BCAS3: variants seen among roughly 807,000 people sequenced by gnomAD.
The protein encoded by BCAS3 is BCAS3 microtubule associated cell migration factor, also known as BCAS4/BCAS3 fusion.
Under a neutral mutation model 116.1 loss-of-function variants are expected in BCAS3, and 53 were observed. The observed-to-expected ratio is 0.46, with a 90% CI of 0.37 to 0.57. The LOEUF is 0.57. Ranked by LOEUF, BCAS3 falls within the 20% of genes least tolerant of loss-of-function variation. The probability of loss-of-function intolerance (pLI) is 0.00; values close to 1 mark genes in which losing one functional copy is unlikely to be tolerated. For synonymous variants in BCAS3, 391 were observed against 408.2 expected, an observed-to-expected ratio of 0.96 and a Z score of 0.51; for missense variants, 917 against 1,165.4, an observed-to-expected ratio of 0.79 and a Z score of 3.10.
intron 7 of BCAS3, among the ~76,000 whole-genome samples, chr17:60,848,409 T>C (rs1236423624): frequency 2.0e-5 from 3 of 152,256 alleles, no homozygotes; most frequent in African/African-American, 7.2e-5. Context: ...GATTGTTCAT[T>C]GCTAGATTTT....
chr17:60,855,562 C>T (rs1193187496), intron 7 of BCAS3, among the ~76,000 whole-genome samples: 1 of 150,746 alleles, frequency 6.6e-6, no homozygotes, highest in Non-Finnish European at 1.5e-5. Flanking sequence ...TCACGCCATT[C>T]TCCTGCCTCA....
intron 19 of BCAS3, among the ~76,000 whole-genome samples, chr17:61,060,271 C>T (rs900617121): frequency 1.3e-5 from 2 of 151,534 alleles, no homozygotes; most frequent in African/African-American, 4.8e-5. Flanking sequence ...GGACTACAGG[C>T]GCCCACCACC....
intron 22 of BCAS3, among the ~76,000 whole-genome samples, chr17:61,340,038 C>T (rs1362292086): frequency 1.3e-5 from 2 of 152,026 alleles, no homozygotes; most frequent in Middle Eastern, 3.2e-3. Context: ...TTTGGAAGAG[C>T]GGTTTCAGTA....
intron 5 of BCAS3, among the ~76,000 whole-genome samples, chr17:60,746,468 T>C (rs1247101662): frequency 6.6e-6 from 1 of 152,154 alleles, no homozygotes; most frequent in Non-Finnish European, 1.5e-5. Flanking sequence ...GTCCTGAACA[T>C]ACCCTTTACC....
At chr17:61,110,450 A>G (rs940588373) in intron 22 of BCAS3, among the ~76,000 whole-genome samples, 1 of 152,208 alleles carries the variant, frequency 6.6e-6, no homozygotes, top group African/African-American at 2.4e-5. Context: ...GGGGTCAGGG[A>G]GTTCCCTTTC....
intron 7 of BCAS3, chr17:60,810,743 A>G (rs1164277731): frequency 6.0e-6 from 4 of 663,164 alleles, no homozygotes; most frequent in Admixed American, 1.9e-5. Flanking sequence ...GATGACACCA[A>G]TGTCACTCAG....
rs1237262829 is a variant in BCAS3, at chr17:61,161,671, G to A, written c.2425+77107G>A. Among the ~76,000 whole-genome samples the A allele has an allele frequency of 3.3e-5, 5 of 152,146 alleles. No homozygotes were observed. Among genetic ancestry groups the A allele is most frequent in the African/African-American group, 9.7e-5 (4 of 41,424 alleles). ...GGCCATCTGGAAAGGTGATGTCAAC[G>A]GAGGGTAGGGTGGTTGCTGGTGGAG... On this transcript the variant is annotated intron_variant, in intron 22 of 23. Transcript: ENST00000407086. The surrounding 1 kb of genome is among the most constrained non-coding windows in gnomAD (Gnocchi z 4.8).
At chr17:60,717,226 T>C (rs551908868) in intron 5 of BCAS3, among the ~76,000 whole-genome samples, 1 of 151,448 alleles carries the variant, frequency 6.6e-6, no homozygotes, top group Non-Finnish European at 1.5e-5. Context: ...TCTTTTTTTT[T>C]TTTTTGTGAG....
At chr17:60,761,046 T>C (rs958828179) in intron 6 of BCAS3, among the ~76,000 whole-genome samples, 5 of 152,132 alleles carry the variant, frequency 3.3e-5, no homozygotes, top group African/African-American at 1.2e-4. Flanking sequence ...TCTTCTGTTC[T>C]AGAATTTCTG....
chr17:61,173,511 C>T (rs771776470), intron 22 of BCAS3, among the ~76,000 whole-genome samples: 1 of 151,338 alleles, frequency 6.6e-6, no homozygotes, highest in Non-Finnish European at 1.5e-5. Context: ...TTGTGAGACA[C>T]GCTAAAACAG....
At chr17:61,057,820 T>G (rs981724458) in intron 19 of BCAS3, among the ~76,000 whole-genome samples, 3 of 152,176 alleles carry the variant, frequency 2.0e-5, no homozygotes, top group African/African-American at 7.2e-5. Flanking sequence ...GCGATCTTTT[T>G]GAATTATTTC....
rs2058591427 is a variant in BCAS3 at position 61,363,906 on chromosome 17, C to G, written c.2426-4421C>G. Among the ~76,000 whole-genome samples the G allele has an allele frequency of 6.6e-6, 1 of 152,124 alleles. No homozygotes were observed. The highest frequency in any genetic ancestry group is 6.5e-5 in the Admixed American group (1 of 15,278). On this transcript the variant is annotated intron_variant, in intron 22 of 23. Transcript: ENST00000407086. The surrounding 1 kb of genome is among the most constrained non-coding windows in gnomAD (Gnocchi z 4.9). ...ACAAGATGTGCAGTTTTCCAAGAGCCCAGAGATGACCTCACCCTCCAAGGG... is the reference window on the plus strand; with the variant it reads ...ACAAGATGTGCAGTTTTCCAAGAGCGCAGAGATGACCTCACCCTCCAAGGG...
intron 12 of BCAS3, among the ~76,000 whole-genome samples, chr17:60,921,136 A>T (rs1221222544): frequency 6.6e-6 from 1 of 152,200 alleles, no homozygotes; most frequent in Non-Finnish European, 1.5e-5. Flanking sequence ...GCTATTAACA[A>T]TAGCAAAGAC....
intron 14 of BCAS3, chr17:60,980,532 CTTTTTTTTT>C (rs745320848): frequency 7.8e-6 from 1 of 127,658 alleles, no homozygotes; most frequent in African/African-American, 2.9e-5. Context: ...TAATGGTATT[CTTTTTTTTT>C]TTTTTTTTTG....
chr17:60,999,566 A>G (rs2064094377), intron 15 of BCAS3, among the ~76,000 whole-genome samples: 1 of 147,842 alleles, frequency 6.8e-6, no homozygotes, highest in African/African-American at 2.6e-5. Flanking sequence ...AAAAAAAAAG[A>G]AAAAGAAAAA....
At chr17:60,858,079 A>G (rs559618057) in intron 7 of BCAS3, among the ~76,000 whole-genome samples, 46 of 152,236 alleles carry the variant, frequency 3.0e-4, no homozygotes, top group African/African-American at 1.1e-3. Context: ...TTGGTCAGGC[A>G]AAATGTTAGA....
At chr17:61,280,780 G>A (rs35886429) in intron 22 of BCAS3, among the ~76,000 whole-genome samples, 94,892 of 152,058 alleles carry the variant, frequency 0.62, 31,932 homozygotes, top group South Asian at 0.83. Context: ...GGGCAGCGCC[G>A]GAGCTAAAGG....
intron 22 of BCAS3, among the ~76,000 whole-genome samples, chr17:61,269,604 G>A (rs1218251839): frequency 1.3e-5 from 2 of 152,006 alleles, no homozygotes; most frequent in East Asian, 3.9e-4. Flanking sequence ...GTTACTCTCT[G>A]TTACATTTGT....
At position 61,132,943 on chromosome 17, in the gene BCAS3, G is replaced by A. The variant is rs2076416288; in HGVS notation, c.2425+48379G>A. 6.6e-6 allele frequency among the ~76,000 whole-genome samples: 1 copy of A among 152,184 alleles called. No individual in the cohort carries two copies. Among genetic ancestry groups the A allele is most frequent in the African/African-American group, 2.4e-5 (1 of 41,442 alleles). ...AGGTTGTGGTTTCTGATCCAATCAA[G>A]TGGATTCCTTTTCTTGGAGAAAGTC... is the stretch of plus-strand genomic sequence containing the variant. On this transcript the variant is annotated intron_variant, in intron 22 of 23. Transcript: ENST00000407086. This position sits in a 1 kb window ranked among gnomAD's most constrained non-coding sequence, Gnocchi z 5.1.
Sources: allele counts gnomAD v4.1 joint callset (sites outside exome capture counted in the v4.1 genomes callset), GRCh38; gene constraint gnomAD v4.1.1; non-coding constraint Gnocchi (gnomAD v3.1); transcripts MANE v1.5; gene names NCBI Gene and HGNC (gene_info 2026-07-23, HGNC 2026-07-21).